Variants in KCNIP1 observed in about 807,000 individuals in gnomAD.
KCNIP1 encodes the protein potassium voltage-gated channel interacting protein 1, also known as A-type potassium channel modulatory protein KCNIP1.
KCNIP1 carries 18 observed loss-of-function variants against 33.0 expected under a neutral mutation model. The observed-to-expected ratio is 0.55, with a 90% CI of 0.38 to 0.81. The LOEUF (loss-of-function observed/expected upper bound fraction) is 0.81, where lower values mean the gene tolerates loss of function less well. Ranked by LOEUF, KCNIP1 falls within the 30% of genes least tolerant of loss-of-function variation. The pLI, the probability that KCNIP1 is intolerant of heterozygous loss-of-function variation, is 0.00. For synonymous variants in KCNIP1, 93 were observed against 98.3 expected (o/e 0.95, Z 0.32); for missense variants, 238 against 271.6 (o/e 0.88, Z 0.87).
rs370607302 is a variant in KCNIP1, at chr5:170,659,657, G to A, written c.62-59101G>A. Reference sequence around the variant, plus strand: ...TAAGAATTTGCAGAGGCAGTGAGGAGTTAACATGCACAGCTCAGGGAATAT... The same window carrying A: ...TAAGAATTTGCAGAGGCAGTGAGGAATTAACATGCACAGCTCAGGGAATAT... On this transcript the variant is annotated intron_variant, in intron 1 of 7. Transcript: ENST00000328939. Among the ~76,000 whole-genome samples the A allele has an allele frequency of 1.5e-4, 23 of 152,310 alleles. No individual in the cohort carries two copies. In the South Asian group the frequency reaches 4.8e-3, roughly 32 times the overall value.
At chr5:170,673,444 C>T (rs1021199375) in intron 1 of KCNIP1, among the ~76,000 whole-genome samples, 4 of 152,326 alleles carry the variant, frequency 2.6e-5, no homozygotes, top group Middle Eastern at 3.4e-3. Flanking sequence ...GATACAGTGA[C>T]GTAGGTCTAC....
intron 1 of KCNIP1, among the ~76,000 whole-genome samples, chr5:170,675,745 T>C (rs575063698): frequency 5.5e-4 from 84 of 152,342 alleles, no homozygotes; most frequent in Middle Eastern, 3.4e-3. Flanking sequence ...AAAATCCTAA[T>C]GACATTTAGT....
At chr5:170,435,612 A>G (rs1561624715) in intron 1 of KCNIP1, among the ~76,000 whole-genome samples, 1 of 152,218 alleles carries the variant, frequency 6.6e-6, no homozygotes, top group Non-Finnish European at 1.5e-5. Flanking sequence ...AGGCTCTGGA[A>G]GAGGACAGGG....
intron 1 of KCNIP1, among the ~76,000 whole-genome samples, chr5:170,496,764 C>T (rs1180259058): frequency 6.6e-6 from 1 of 152,276 alleles, no homozygotes; most frequent in African/African-American, 2.4e-5. Flanking sequence ...CAGTCTCACC[C>T]GTCCACCCTC....
At chr5:170,543,741 A>G (rs903350959) in intron 1 of KCNIP1, among the ~76,000 whole-genome samples, 1 of 152,248 alleles carries the variant, frequency 6.6e-6, no homozygotes, top group African/African-American at 2.4e-5. Context: ...GTTGCTAACT[A>G]GTTTAACTCT....
intron 1 of KCNIP1, among the ~76,000 whole-genome samples, chr5:170,581,038 G>T (rs182150440): frequency 7.3e-4 from 111 of 152,246 alleles, no homozygotes; most frequent in Non-Finnish European, 1.0e-4. Context: ...TAACGCACAG[G>T]AGTCCATCTC....
At chr5:170,597,796 T>A (rs1330310944) in intron 1 of KCNIP1, among the ~76,000 whole-genome samples, 8 of 1,382 alleles carry the variant, frequency 5.8e-3, no homozygotes, top group African/African-American at 8.8e-3. Context: ...TATATATATA[T>A]ATATATATAT....
At chr5:170,709,554 GGGTTT>G (rs1270035926) in intron 1 of KCNIP1, among the ~76,000 whole-genome samples, 2 of 152,162 alleles carry the variant, frequency 1.3e-5, no homozygotes, top group Non-Finnish European at 2.9e-5. Context: ...CATTTAATCA[GGGTTT>G]GGTTTATATC....
rs144556145 is a variant in KCNIP1, at chr5:170,521,543, G to A, written c.61+16910G>A. On this transcript the variant is annotated intron_variant, in intron 1 of 7. Transcript: ENST00000328939. ...TTCAGAATCCCATTTGCAATGTCAT[G>A]TCTGTGGCTGGGGATCTCCAAGTAA... Among the ~76,000 whole-genome samples, 1,414 of 152,330 alleles carry A rather than the reference G, an allele frequency of 9.3e-3. 26 individuals are homozygous for A. The highest frequency in any genetic ancestry group is 0.032 in the African/African-American group (1,328 of 41,564).
chr5:170,663,238 C>T (rs565625725), intron 1 of KCNIP1, among the ~76,000 whole-genome samples: 1 of 152,326 alleles, frequency 6.6e-6, no homozygotes, highest in Admixed American at 6.5e-5. Context: ...AACATCTGAG[C>T]CAGAGTGAAA....
At chr5:170,729,527 A>T (rs1764123505) in intron 5 of KCNIP1, among the ~76,000 whole-genome samples, 1 of 152,076 alleles carries the variant, frequency 6.6e-6, no homozygotes, top group Admixed American at 6.5e-5. Flanking sequence ...ATAAATCTAC[A>T]CGAATATATA....
chr5:170,583,279 C>G (rs902473754), intron 1 of KCNIP1, among the ~76,000 whole-genome samples: 1 of 152,214 alleles, frequency 6.6e-6, no homozygotes, highest in Non-Finnish European at 1.5e-5. Flanking sequence ...CGCTTCCTCT[C>G]TGTTACCTCT....
At chr5:170,485,669 G>A (rs1230495026) in intron 1 of KCNIP1, among the ~76,000 whole-genome samples, 1 of 152,208 alleles carries the variant, frequency 6.6e-6, no homozygotes, top group Non-Finnish European at 1.5e-5. Context: ...GAGAGGGGCT[G>A]CTGATGACAT....
chr5:170,357,632 C>G (rs1389339873), intron 1 of KCNIP1, among the ~76,000 whole-genome samples: 1 of 152,204 alleles, frequency 6.6e-6, no homozygotes, highest in South Asian at 2.1e-4. Context: ...TGGGCTCAAG[C>G]AATCCTCCCA....
intron 1 of KCNIP1, among the ~76,000 whole-genome samples, chr5:170,458,706 C>A (rs1445931346): frequency 1.3e-5 from 2 of 152,116 alleles, no homozygotes; most frequent in Non-Finnish European, 2.9e-5. Flanking sequence ...GAGCTCTAAA[C>A]CTTCAATCAA....
At chr5:170,380,260 C>T (rs904388821) in intron 1 of KCNIP1, among the ~76,000 whole-genome samples, 11 of 152,280 alleles carry the variant, frequency 7.2e-5, no homozygotes, top group Middle Eastern at 3.4e-3. Context: ...AGTGTGGTGC[C>T]CCCATCTGCA....
At chr5:170,597,784 A>AATATATATATATATATATATATATAT (rs10525595) in intron 1 of KCNIP1, among the ~76,000 whole-genome samples, 2 of 134,434 alleles carry the variant, frequency 1.5e-5, no homozygotes, top group African/African-American at 6.1e-5. Context: ...GAGAGAGATA[A>AATATATATATATATATATATATATAT]ATATATATAT....
At chr5:170,473,090 T>C (rs1208527722) in intron 1 of KCNIP1, among the ~76,000 whole-genome samples, 1 of 152,262 alleles carries the variant, frequency 6.6e-6, no homozygotes, top group African/African-American at 2.4e-5. Flanking sequence ...CACACCTACA[T>C]CTACTGTTTT....
chr5:170,443,736 A>C (rs1054530129), intron 1 of KCNIP1, among the ~76,000 whole-genome samples: 6 of 152,248 alleles, frequency 3.9e-5, no homozygotes, highest in Admixed American at 1.3e-4. Flanking sequence ...AAAGATCTGC[A>C]CCCTAGAAGG....
Sources: allele counts gnomAD v4.1 joint callset (sites outside exome capture counted in the v4.1 genomes callset), GRCh38; gene constraint gnomAD v4.1.1; transcripts MANE v1.5; gene names NCBI Gene and HGNC (gene_info 2026-07-23, HGNC 2026-07-21).